The following ZC3H6 variants were observed in gnomAD, a reference collection of about 807,000 sequenced individuals.
ZC3H6 encodes the protein zinc finger CCCH domain-containing protein 6.
In ZC3H6, 40 loss-of-function variants were observed where a neutral mutation model predicts 107.7. The ratio of observed to expected loss-of-function variants is 0.37; its 90% CI spans 0.29 to 0.48. The LOEUF (loss-of-function observed/expected upper bound fraction) is 0.48. Among genes scored for constraint, ZC3H6 ranks in the 20% least tolerant of loss-of-function variants. ZC3H6 has a pLI of 0.98. For missense variants in ZC3H6, 1,267 were observed against 1,410.4 expected (o/e 0.90, Z 1.63); for synonymous variants, 493 against 487.9 (o/e 1.01, Z -0.14).
intron 1 of ZC3H6, among the ~76,000 whole-genome samples, chr2:112,285,407 A>T (rs1390849140): frequency 6.6e-6 from 1 of 150,786 alleles, no homozygotes; most frequent in Non-Finnish European, 1.5e-5. Context: ...CCCAGGCTGG[A>T]GTGCAGTGGT....
intron 5 of ZC3H6, among the ~76,000 whole-genome samples, 177 bp from the exon 6 acceptor site, chr2:112,316,293 G>A (rs1382988046): frequency 2.0e-5 from 3 of 151,814 alleles, no homozygotes; most frequent in African/African-American, 4.8e-5. Context: ...ATCACTAGTA[G>A]CATAAGTAGA....
Position 112,324,659 on chromosome 2 carries a change from TG to T in ZC3H6, c.1850del (p.Gly617ValfsTer54). ...ATAATTTTCAGCCACCCAATAACTC[TG>T]GTGGTAAGTTTACTTTTTTGAAATA... ...IHNFQPPNNS[G>X]DGMWHGEFAQ... On this transcript the variant is annotated frameshift_variant, in exon 10 of 12. Coordinates refer to ENST00000409871, the MANE Select transcript of ZC3H6 (RefSeq NM_198581.3). LOFTEE classifies it high-confidence loss of function. The T allele has an allele frequency of 6.4e-7, 1 of 1,562,004 alleles. No homozygotes were observed. Among genetic ancestry groups the T allele is most frequent in the Non-Finnish European group, 8.6e-7 (1 of 1,161,000 alleles).
chr2:112,303,850 C>T (rs930751207), intron 3 of ZC3H6, among the ~76,000 whole-genome samples: 1 of 152,134 alleles, frequency 6.6e-6, no homozygotes, highest in African/African-American at 2.4e-5. Context: ...GTGAATCATG[C>T]TGCTTATGAA....
At chr2:112,292,146 T>C (rs1470155388) in intron 1 of ZC3H6, among the ~76,000 whole-genome samples, 1 of 152,212 alleles carries the variant, frequency 6.6e-6, no homozygotes, top group Non-Finnish European at 1.5e-5. Context: ...AGATGGGATA[T>C]GAATGTTAAG....
intron 5 of ZC3H6, among the ~76,000 whole-genome samples, chr2:112,314,563 G>GGT (rs139897769): frequency 4.9e-4 from 74 of 150,676 alleles, no homozygotes; most frequent in Middle Eastern, 6.8e-3. Flanking sequence ...CATTTTTCAG[G>GGT]GTGTGTGTGT....
In ZC3H6 at chr2:112,333,183, T is replaced by A. The variant is rs1677070712; in HGVS notation, c.*695T>A. On this transcript the variant is annotated 3_prime_UTR_variant, in exon 12 of 12. Transcript: ENST00000409871. ...AGTTCTCTAGCATAACTTTTTACAT[T>A]TAATTTTTCATATGAAATAGCAATT... The A allele has an allele frequency of 6.6e-6, 1 of 152,632 alleles. No individual in the cohort carries two copies. Among genetic ancestry groups the A allele is most frequent in the African/African-American group, 2.4e-5 (1 of 41,466 alleles). 9.5% of individuals were successfully genotyped at this position (152,632 alleles called of 1,614,324 possible). A position where few individuals can be genotyped will look rare whatever the true frequency, so the allele number is the denominator to read the frequency against.
chr2:112,319,967 T>C (rs966343120), intron 7 of ZC3H6, among the ~76,000 whole-genome samples: 1 of 152,158 alleles, frequency 6.6e-6, no homozygotes, highest in Non-Finnish European at 1.5e-5. Context: ...AGTTTCACTT[T>C]TGTTGCCCAG....
chr2:112,300,083 T>TA (rs1676339792), intron 2 of ZC3H6, 54 bp downstream of exon 2: 1 of 1,154,588 alleles, frequency 8.7e-7, no homozygotes, highest in Non-Finnish European at 1.1e-6. Context: ...AAATATAAAA[T>TA]ACTGAAAATT....
At position 112,335,348 on chromosome 2, in the gene ZC3H6, C is replaced by G. The variant is rs1296406931; in HGVS notation, c.*2860C>G. The G allele has an allele frequency of 6.6e-6, 1 of 152,122 alleles. No homozygotes were observed. The highest frequency in any genetic ancestry group is 6.5e-5 in the Admixed American group (1 of 15,276). 9.4% of individuals were successfully genotyped at this position (152,122 alleles called of 1,614,324 possible). On this transcript the variant is annotated 3_prime_UTR_variant, in exon 12 of 12. Coordinates refer to ENST00000409871, the MANE Select transcript of ZC3H6 (RefSeq NM_198581.3). ...CATGGAACTTTAAAGAGTAGTGTTC[C>G]TCCTACTTACTTTAAGCTGGAAGAA...
intron 9 of ZC3H6, among the ~76,000 whole-genome samples, chr2:112,323,837 G>C (rs1250281349): frequency 1.3e-5 from 2 of 152,294 alleles, no homozygotes; most frequent in South Asian, 4.2e-4. Context: ...AGGACTAGTA[G>C]GAGAGAACCA....
At chr2:112,317,412 C>A in intron 7 of ZC3H6, 80 bp downstream of exon 7, 4 of 762,786 alleles carry the variant, frequency 5.2e-6, no homozygotes, top group South Asian at 4.2e-5. Context: ...ATAATAAATA[C>A]ACCCTATAAA....
Position 112,334,848 on chromosome 2 carries a change from T to G in ZC3H6, c.*2360T>G, listed in dbSNP as rs1460765786. ...CTCTTCTTTTAGGTCAATTGGTGTT[T>G]TTAGAATCCATGTAATTTGATTTGC... is the stretch of plus-strand genomic sequence containing the variant. On this transcript the variant is annotated 3_prime_UTR_variant, in exon 12 of 12. Transcript: ENST00000409871. 6.6e-6 allele frequency: 1 copy of G among 152,594 alleles called. No homozygotes were observed. Among genetic ancestry groups the G allele is most frequent in the Non-Finnish European group, 1.5e-5 (1 of 68,008 alleles). 9.5% of individuals were successfully genotyped at this position (152,594 alleles called of 1,614,324 possible).
At position 112,331,780 on chromosome 2, in the gene ZC3H6, C is replaced by A. The variant is rs373154687; in HGVS notation, c.2862C>A (p.His954Gln). The change falls in exon 12 of 12, where the codon CAC becomes CAA. Residue 954 changes from histidine (H) to glutamine (Q), a missense_variant. By Grantham distance (24) the His-to-Gln change is conservative (BLOSUM62 0). Around this residue, in one of 3 missense-constraint regions of ZC3H6, gnomAD observed 925 missense variants for 1,025.7 expected, o/e 0.90. Transcript: ENST00000409871. ...ACCTAGAACAATTTGGAGACTCACA[C>A]GGTTCAGGAGCTAAATTAGGAGATC... ...EGYLEQFGDS[H>Q]GSGAKLGDPR... is the part of the protein sequence containing the mutation. The A allele has an allele frequency of 7.4e-6, 12 of 1,613,662 alleles. No homozygotes were observed. The highest frequency in any genetic ancestry group is 4.5e-5 in the East Asian group (2 of 44,872).
intron 5 of ZC3H6, among the ~76,000 whole-genome samples, chr2:112,314,286 C>T (rs894242644): frequency 1.2e-4 from 18 of 152,074 alleles, no homozygotes; most frequent in Non-Finnish European, 2.4e-4. Flanking sequence ...AGTCTGCTAA[C>T]TCACCATATC....
intron 9 of ZC3H6, among the ~76,000 whole-genome samples, 154 bp from the exon 10 acceptor site, chr2:112,323,998 A>G (rs1573964145): frequency 1.3e-5 from 2 of 152,236 alleles, no homozygotes; most frequent in East Asian, 3.8e-4. Context: ...TCGTGTTTCT[A>G]CCTATCGACG....
intron 11 of ZC3H6, 67 bp from the exon 12 acceptor site, chr2:112,330,930 AATTATAAT>A: frequency 1.6e-6 from 1 of 628,806 alleles, no homozygotes; most frequent in Non-Finnish European, 2.1e-6. Context: ...AATAATTTAT[AATTATAAT>A]ATAATAATTT....
In ZC3H6 at chr2:112,338,335, A is replaced by G. The variant is rs1438669848; in HGVS notation, c.*5847A>G. The stretch of plus-strand genomic sequence containing the variant: ...AATTCCTTCTATCCTGATACCATGA[A>G]CAGTAATTTTCCCTTTTAAGTTATG... On this transcript the variant is annotated 3_prime_UTR_variant, in exon 12 of 12. Transcript: ENST00000409871. The G allele has an allele frequency of 6.6e-6, 1 of 152,204 alleles. No homozygotes were observed. Among genetic ancestry groups the G allele is most frequent in the East Asian group, 1.9e-4 (1 of 5,204 alleles). 9.4% of individuals were successfully genotyped at this position (152,204 alleles called of 1,614,324 possible). A position where few individuals can be genotyped will look rare whatever the true frequency, so the allele number is the denominator to read the frequency against.
At chr2:112,310,410 T>G (rs1676572381) in intron 4 of ZC3H6, among the ~76,000 whole-genome samples, 1 of 152,214 alleles carries the variant, frequency 6.6e-6, no homozygotes. Context: ...CAATACAACT[T>G]TCTTATATTT....
At chr2:112,315,325 T>G (rs1676678163) in intron 5 of ZC3H6, among the ~76,000 whole-genome samples, 1 of 152,148 alleles carries the variant, frequency 6.6e-6, no homozygotes, top group South Asian at 2.1e-4. Flanking sequence ...TAAGATTTCT[T>G]TTCCTTTAAT....
Sources: gnomAD v4.1 joint callset for allele counts (sites outside exome capture counted in the v4.1 genomes callset) on GRCh38, gnomAD v4.1.1 for gene constraint, gnomAD v4.1.1 regional missense constraint, MANE v1.5 for transcripts, NCBI Gene and HGNC (gene_info 2026-07-23, HGNC 2026-07-21) for gene names.